SLC4A4: variants seen among roughly 807,000 people sequenced by gnomAD.
SLC4A4 encodes the protein electrogenic sodium bicarbonate cotransporter 1.
SLC4A4 carries 27 observed loss-of-function variants against 111.5 expected under a neutral mutation model. The observed-to-expected ratio is 0.24, with a 90% CI of 0.18 to 0.33. The LOEUF (loss-of-function observed/expected upper bound fraction) is 0.33, where lower values mean the gene tolerates loss of function less well. SLC4A4 is among the 10% of genes least tolerant of loss of function. SLC4A4 has a pLI of 1.00. For missense variants in SLC4A4, 909 were observed against 1,315.5 expected (o/e 0.69, Z 4.78); for synonymous variants, 443 against 463.4 (o/e 0.96, Z 0.57).
chr4:71,382,242 G>A (rs139410089), intron 6 of SLC4A4, among the ~76,000 whole-genome samples: 86 of 152,148 alleles, frequency 5.7e-4, no homozygotes, highest in South Asian at 1.5e-3. Context: ...TCAGGCTGGC[G>A]AAGGCCTGTT....
chr4:71,444,234 T>C (rs1725024339), intron 8 of SLC4A4, among the ~76,000 whole-genome samples: 1 of 152,206 alleles, frequency 6.6e-6, no homozygotes, highest in African/African-American at 2.4e-5. Flanking sequence ...ATTTTGTGAA[T>C]GTGAGTATAG....
intron 2 of SLC4A4, among the ~76,000 whole-genome samples, chr4:71,098,571 T>A (rs1470372252): frequency 6.6e-6 from 1 of 152,096 alleles, no homozygotes; most frequent in Non-Finnish European, 1.5e-5. Context: ...ACTGGCATAA[T>A]AACCAGCTAA....
chr4:71,201,197 A>G (rs1420731404), intron 1 of SLC4A4, among the ~76,000 whole-genome samples: 1 of 152,148 alleles, frequency 6.6e-6, no homozygotes. Context: ...AAGAGGGAGG[A>G]GCTGAAGAGC....
At chr4:71,082,679 A>C (rs1359385484) in intron 1 of SLC4A4, among the ~76,000 whole-genome samples, 1 of 151,904 alleles carries the variant, frequency 6.6e-6, no homozygotes, top group Non-Finnish European at 1.5e-5. Context: ...AAATGTTAAC[A>C]TTTTCCCATT....
At chr4:71,342,579 C>T (rs755230482) in intron 4 of SLC4A4, among the ~76,000 whole-genome samples, 1 of 152,182 alleles carries the variant, frequency 6.6e-6, no homozygotes, top group Non-Finnish European at 1.5e-5. Context: ...TACTGCTACA[C>T]TCAGCTAAGA....
chr4:71,527,757 A>G (rs1247747316), intron 16 of SLC4A4, among the ~76,000 whole-genome samples: 3 of 151,972 alleles, frequency 2.0e-5, no homozygotes, highest in Non-Finnish European at 4.4e-5. Context: ...CCTTCAGTAT[A>G]TATAAAAAAT....
chr4:71,345,937 T>G (rs1729291096), intron 4 of SLC4A4, among the ~76,000 whole-genome samples: 1 of 152,154 alleles, frequency 6.6e-6, no homozygotes, highest in African/African-American at 2.4e-5. Flanking sequence ...ACACTAACGT[T>G]GGCTTCTTTT....
At chr4:71,156,239 G>A (rs1246299613) in intron 2 of SLC4A4, among the ~76,000 whole-genome samples, 2 of 152,140 alleles carry the variant, frequency 1.3e-5, no homozygotes, top group African/African-American at 4.8e-5. Flanking sequence ...TCATGCATTG[G>A]CTAGAAGTTT....
intron 2 of SLC4A4, among the ~76,000 whole-genome samples, chr4:71,105,461 C>G (rs184177076): frequency 1.3e-5 from 2 of 151,684 alleles, no homozygotes; most frequent in Non-Finnish European, 2.9e-5. Context: ...CCCGCATCGC[C>G]AAGGCACTCC....
At chr4:71,485,581 A>G (rs1578017666) in intron 14 of SLC4A4, among the ~76,000 whole-genome samples, 1 of 33,550 alleles carries the variant, frequency 3.0e-5, no homozygotes, top group Non-Finnish European at 2.0e-4. Flanking sequence ...ACAGATAATA[A>G]TGCACATGTA....
chr4:71,450,652 C>G, intron 10 of SLC4A4, 109 bp downstream of exon 10: 2 of 1,060,148 alleles, frequency 1.9e-6, no homozygotes, highest in South Asian at 2.8e-5. Context: ...TTTTCAGGTT[C>G]CTGTTTAACT....
intron 18 of SLC4A4, among the ~76,000 whole-genome samples, chr4:71,544,699 T>C (rs990600491): frequency 3.9e-5 from 6 of 152,108 alleles, no homozygotes; most frequent in Non-Finnish European, 5.9e-5. Flanking sequence ...AAGCAAACCA[T>C]GACTCTCCTC....
chr4:71,125,191 T>C (rs999225531), intron 2 of SLC4A4, among the ~76,000 whole-genome samples: 3 of 152,186 alleles, frequency 2.0e-5, no homozygotes, highest in African/African-American at 4.8e-5. Flanking sequence ...AAAACACAGA[T>C]TGTAGAGAAT....
At chr4:71,246,653 C>G (rs1578668206) in intron 2 of SLC4A4, among the ~76,000 whole-genome samples, 1 of 152,126 alleles carries the variant, frequency 6.6e-6, no homozygotes, top group African/African-American at 2.4e-5. Context: ...TTCTGTATCT[C>G]TAAGACAAAC....
chr4:71,112,667 G>C (rs375421170), intron 2 of SLC4A4, among the ~76,000 whole-genome samples: 43 of 152,218 alleles, frequency 2.8e-4, no homozygotes, highest in African/African-American at 1.0e-3. Flanking sequence ...TGACCTTGTG[G>C]GCTTGTAGAG....
At chr4:71,135,296 C>CTT (rs376221639) in intron 2 of SLC4A4, among the ~76,000 whole-genome samples, 2,564 of 130,564 alleles carry the variant, frequency 0.02, 131 homozygotes, top group African/African-American at 0.056. Context: ...ACAATCTACT[C>CTT]TTTTTTTTTT....
At chr4:71,405,541 A>G (rs1308097639) in intron 7 of SLC4A4, among the ~76,000 whole-genome samples, 1 of 152,016 alleles carries the variant, frequency 6.6e-6, no homozygotes, top group Non-Finnish European at 1.5e-5. Context: ...AAGTATCCTT[A>G]TTGTAATTTT....
chr4:71,296,109 G>A (rs1403450389), intron 3 of SLC4A4, among the ~76,000 whole-genome samples: 1 of 145,546 alleles, frequency 6.9e-6, no homozygotes, highest in Non-Finnish European at 1.5e-5. Flanking sequence ...TTTTTAACCT[G>A]TTTTTTTTTT....
At chr4:71,081,616 A>C (rs1282009276) in intron 1 of SLC4A4, among the ~76,000 whole-genome samples, 1 of 152,110 alleles carries the variant, frequency 6.6e-6, no homozygotes, top group Non-Finnish European at 1.5e-5. Context: ...CCTAAAGCAC[A>C]ATGAGTTAGA....
Sources: gnomAD v4.1 joint callset for allele counts (sites outside exome capture counted in the v4.1 genomes callset) on GRCh38, gnomAD v4.1.1 for gene constraint, MANE v1.5 for transcripts, NCBI Gene and HGNC (gene_info 2026-07-23, HGNC 2026-07-21) for gene names.